Variants in INSM2 observed in about 807,000 individuals in gnomAD.
INSM2 encodes INSM transcriptional repressor 2, also known as insulinoma-associated protein 2.
A neutral mutation model predicts 30.5 loss-of-function variants in INSM2; 12 were observed. That is an observed-to-expected ratio of 0.39 (90% CI 0.25 to 0.64). The LOEUF (loss-of-function observed/expected upper bound fraction) is 0.64, where lower values mean the gene tolerates loss of function less well. INSM2 is among the 30% of genes least tolerant of loss of function. The pLI, the probability that INSM2 is intolerant of heterozygous loss-of-function variation, is 0.47. For synonymous variants in INSM2, 418 were observed against 383.7 expected, an observed-to-expected ratio of 1.09 and a Z score of -1.05; for missense variants, 773 against 819.2, an observed-to-expected ratio of 0.94 and a Z score of 0.69.
Position 35,535,268 on chromosome 14 carries a change from C to T in INSM2, c.1016C>T (p.Ser339Phe), listed in dbSNP as rs781036182. ...AAGCCGCCTTCTTCGTCGTCTTCGT[C>T]CTCCCGGGACTCCGGGGCCATTGCA... ...DGKPPSSSSS[S>F]SRDSGAIASF... Residue 339 changes from serine to phenylalanine, a missense_variant, in exon 1 of 1, where the codon TCC becomes TTC. By Grantham distance (155) the Ser-to-Phe change is radical (BLOSUM62 -2). Transcript: ENST00000307169. 3.3e-5 allele frequency: 54 copies of T among 1,613,374 alleles called. No individual in the cohort carries two copies. The highest frequency in any genetic ancestry group is 4.5e-5 in the Non-Finnish European group (53 of 1,179,930).
chr14:35,536,224 T>A lies in INSM2; in HGVS notation c.*271T>A. 1 of 403,532 alleles carries A rather than the reference T, an allele frequency of 2.5e-6. No individual in the cohort carries two copies. Among genetic ancestry groups the A allele is most frequent in the Non-Finnish European group, 4.5e-6 (1 of 219,878 alleles). 25.0% of individuals were successfully genotyped at this position (403,532 alleles called of 1,614,324 possible). A position where few individuals can be genotyped will look rare whatever the true frequency, so the allele number is the denominator to read the frequency against. ...CACTTTCCCCACTAAAATAGGATTT[T>A]TCCCCTTAAAACTCTGGAGACCCTA... On this transcript the variant is annotated 3_prime_UTR_variant, in exon 1 of 1. Transcript: ENST00000307169.
rs1322210136 is a variant in INSM2, at chr14:35,536,831, G to A, written c.*878G>A. 1.2e-5 allele frequency: 2 copies of A among 167,078 alleles called. No homozygotes were observed. Among genetic ancestry groups the A allele is most frequent in the Non-Finnish European group, 2.9e-5 (2 of 68,124 alleles). The allele number at this position is 167,078 out of a possible 1,614,324, so 10.3% of individuals were successfully genotyped here. On this transcript the variant is annotated 3_prime_UTR_variant, in exon 1 of 1. Coordinates refer to ENST00000307169, the MANE Select transcript of INSM2 (RefSeq NM_032594.4). ...ATGAAAATATGTACAGCTTAAGGAAGATGTTAACACCTGTAATCCACTAAG... is the reference window on the plus strand; with the variant it reads ...ATGAAAATATGTACAGCTTAAGGAAAATGTTAACACCTGTAATCCACTAAG...
Position 35,535,644 on chromosome 14 carries a change from C to T in INSM2, c.1392C>T (p.Arg464=), listed in dbSNP as rs369133835. 5.8e-5 allele frequency: 94 copies of T among 1,613,046 alleles called. No homozygotes were observed. Among genetic ancestry groups the T allele is most frequent in the Non-Finnish European group, 8.0e-5 (94 of 1,180,018 alleles). ...TAGCGCCGGGCTTTGGCTCCGAACG[C>T]GGTGCCCCACTTGCCTTCGCTTGCC... ...RALAPGFGSE[R]GAPLAFACPL... Residue 464 remains arginine, a synonymous_variant, in exon 1 of 1, where the codon CGC becomes CGT. Coordinates refer to ENST00000307169, the MANE Select transcript of INSM2 (RefSeq NM_032594.4).
chr14:35,535,979 A>G lies in INSM2; in HGVS notation c.*26A>G, dbSNP rs969633071. 1.9e-6 allele frequency: 3 copies of G among 1,564,450 alleles called. No individual in the cohort carries two copies. The highest frequency in any genetic ancestry group is 1.4e-5 in the African/African-American group (1 of 73,052). ...GGGACGAGAGACCAGGATGATTTCG[A>G]GGTTGGCCTTAGAGGAAACAGATCA... is the stretch of plus-strand genomic sequence containing the variant. On this transcript the variant is annotated 3_prime_UTR_variant, in exon 1 of 1. Coordinates refer to ENST00000307169, the MANE Select transcript of INSM2 (RefSeq NM_032594.4).
Position 35,535,658 on chromosome 14 carries a change from C to T in INSM2, c.1406C>T (p.Ala469Val), listed in dbSNP as rs1045667593. 6.2e-7 allele frequency: 1 copy of T among 1,613,198 alleles called. No individual in the cohort carries two copies. The highest frequency in any genetic ancestry group is 1.3e-5 in the African/African-American group (1 of 75,080). The change falls in exon 1 of 1, where the codon GCC becomes GTC. Residue 469 changes from alanine to valine, a missense_variant. Coordinates refer to ENST00000307169, the MANE Select transcript of INSM2 (RefSeq NM_032594.4). The stretch of plus-strand genomic sequence containing the variant: ...GGCTCCGAACGCGGTGCCCCACTTG[C>T]CTTCGCTTGCCCATTGTGCGGAGCG... ...GFGSERGAPL[A>V]FACPLCGAHF... is the part of the protein sequence containing the mutation.
In INSM2 at chr14:35,535,771, C is replaced by T. The variant is rs766186463; in HGVS notation, c.1519C>T (p.Pro507Ser). The T allele has an allele frequency of 1.9e-6, 3 of 1,613,250 alleles. No individual in the cohort carries two copies. Among genetic ancestry groups the T allele is most frequent in the South Asian group, 2.2e-5 (2 of 91,072 alleles). ...ELLLPALAGA[P>S]PETSGPSGPS... is the part of the protein sequence containing the mutation. ...GCTCCTGCCCGCTCTGGCGGGGGCT[C>T]CTCCCGAAACGTCGGGCCCTAGCGG... is the stretch of plus-strand genomic sequence containing the variant. Residue 507 changes from proline (P) to serine (S), a missense_variant, in exon 1 of 1, where the codon CCT becomes TCT. Coordinates refer to ENST00000307169, the MANE Select transcript of INSM2 (RefSeq NM_032594.4).
Sources: gnomAD v4.1 joint callset for allele counts on GRCh38, gnomAD v4.1.1 for gene constraint, MANE v1.5 for transcripts, NCBI Gene and HGNC (gene_info 2026-07-23, HGNC 2026-07-21) for gene names.